PCSK5: variants seen among roughly 807,000 people sequenced by gnomAD.
PCSK5 encodes the protein prohormone convertase 5.
PCSK5 carries 129 observed loss-of-function variants against 233.2 expected under a neutral mutation model. The ratio of observed to expected loss-of-function variants is 0.55; its 90% CI spans 0.48 to 0.64. PCSK5 has a LOEUF of 0.64. Among genes scored for constraint, PCSK5 ranks in the 30% least tolerant of loss-of-function variants. PCSK5 has a pLI of 0.00. For missense variants in PCSK5, 2,076 were observed against 2,430.1 expected (o/e 0.85, Z 3.06); for synonymous variants, 825 against 879.2 (o/e 0.94, Z 1.09).
chr9:75,942,525 A>G (rs1207630668), intron 2 of PCSK5, among the ~76,000 whole-genome samples: 1 of 152,194 alleles, frequency 6.6e-6, no homozygotes, highest in Non-Finnish European at 1.5e-5. Context: ...AGATTGAAAT[A>G]TGAGTATCAG....
intron 30 of PCSK5, among the ~76,000 whole-genome samples, chr9:76,313,027 C>T (rs1300921745): frequency 6.6e-6 from 1 of 152,044 alleles, no homozygotes; most frequent in East Asian, 1.9e-4. Flanking sequence ...CTTGCAACGT[C>T]CAGGTATTGT....
chr9:76,235,559 T>C (rs1826227181), intron 22 of PCSK5, among the ~76,000 whole-genome samples: 1 of 152,218 alleles, frequency 6.6e-6, no homozygotes. Context: ...CAAGTTACTA[T>C]GCCCTGAATG....
chr9:75,992,747 G>C lies in PCSK5; in HGVS notation c.411+6502G>C, dbSNP rs373766526. On this transcript the variant is annotated intron_variant, in intron 3 of 37. Coordinates refer to ENST00000674117, the MANE Select transcript of PCSK5 (RefSeq NM_001372043.1). Reference sequence around the variant, plus strand: ...AACTTTTTGTGATGAATATTGTGTGGCCTATTTAATATGCATTATTTAAAG... The same window carrying C: ...AACTTTTTGTGATGAATATTGTGTGCCCTATTTAATATGCATTATTTAAAG... 3.9e-5 allele frequency among the ~76,000 whole-genome samples: 6 copies of C among 152,188 alleles called. No homozygotes were observed. In the East Asian group the frequency reaches 1.2e-3, roughly 29 times the overall value.
chr9:75,979,756 T>A (rs1283879662), intron 2 of PCSK5, among the ~76,000 whole-genome samples: 2 of 152,258 alleles, frequency 1.3e-5, no homozygotes, highest in Non-Finnish European at 2.9e-5. Flanking sequence ...TATTAAAATA[T>A]CACATCTTTC....
At chr9:76,008,360 A>T (rs374702634) in intron 3 of PCSK5, among the ~76,000 whole-genome samples, 5 of 151,780 alleles carry the variant, frequency 3.3e-5, no homozygotes, top group South Asian at 2.1e-4. Context: ...GCATGGGGAG[A>T]TTAAGATTTA....
intron 1 of PCSK5, among the ~76,000 whole-genome samples, chr9:75,902,214 T>TTAAAAAAAAAAAAAAAA (rs1554703242): frequency 7.5e-5 from 4 of 53,300 alleles, no homozygotes; most frequent in Non-Finnish European, 1.0e-4. Flanking sequence ...AGACACCATC[T>TTAAAAAAAAAAAAAAAA]AAAAAAAAAA....
intron 1 of PCSK5, among the ~76,000 whole-genome samples, chr9:75,915,228 T>C (rs999238604): frequency 3.9e-5 from 6 of 152,184 alleles, no homozygotes; most frequent in African/African-American, 1.4e-4. Context: ...AACCTTGGCT[T>C]TCCTTGGCTG....
intron 3 of PCSK5, among the ~76,000 whole-genome samples, chr9:75,992,574 C>T (rs1222912878): frequency 6.8e-6 from 1 of 146,268 alleles, no homozygotes; most frequent in East Asian, 1.9e-4. Context: ...ACTTTAAATA[C>T]ACACACACAC....
At position 76,358,610 on chromosome 9, in the gene PCSK5, CG is replaced by C; in HGVS notation, c.5356del (p.Ala1786GlnfsTer4). 6.2e-7 allele frequency: 1 copy of C among 1,612,754 alleles called. No homozygotes were observed. ...TSSMMLVLLLGAAVVVWKKSR... is the reference protein window; with the variant it reads ...TSSMMLVLLLXAAVVVWKKSR... The stretch of plus-strand genomic sequence containing the variant: ...CCTCCATGATGCTGGTGCTTCTGCT[CG>C]GGGCAGCTGTGGTAGTGTGGAAGAA... On this transcript the variant is annotated frameshift_variant, in exon 38 of 38. Coordinates refer to ENST00000674117, the MANE Select transcript of PCSK5 (RefSeq NM_001372043.1). LOFTEE classifies it high-confidence loss of function.
At chr9:75,901,332 G>A (rs1364220750) in intron 1 of PCSK5, among the ~76,000 whole-genome samples, 1 of 152,170 alleles carries the variant, frequency 6.6e-6, no homozygotes, top group Non-Finnish European at 1.5e-5. Flanking sequence ...GGATATGGAT[G>A]AAGCTGGAAG....
At chr9:76,092,446 G>A (rs1012620693) in intron 7 of PCSK5, among the ~76,000 whole-genome samples, 1 of 152,098 alleles carries the variant, frequency 6.6e-6, no homozygotes, top group Non-Finnish European at 1.5e-5. Context: ...TGCCCAGGCT[G>A]GAGTGCAGTG....
intron 20 of PCSK5, among the ~76,000 whole-genome samples, chr9:76,196,826 T>C (rs573703834): frequency 2.0e-5 from 3 of 152,294 alleles, no homozygotes; most frequent in East Asian, 1.9e-4. Flanking sequence ...CTGGGCCACA[T>C]AGACTTGAAA....
At chr9:76,172,725 A>G (rs1349424273) in intron 13 of PCSK5, among the ~76,000 whole-genome samples, 2 of 152,220 alleles carry the variant, frequency 1.3e-5, no homozygotes, top group African/African-American at 4.8e-5. Context: ...TCTCTTTTGC[A>G]CTGCTACCTA....
intron 6 of PCSK5, among the ~76,000 whole-genome samples, chr9:76,069,303 A>C (rs989691308): frequency 2.0e-5 from 3 of 152,132 alleles, no homozygotes; most frequent in African/African-American, 7.2e-5. Context: ...CTCATGGTCC[A>C]GGATATAGTT....
At chr9:75,966,876 T>C (rs2131356127) in intron 2 of PCSK5, among the ~76,000 whole-genome samples, 1 of 152,300 alleles carries the variant, frequency 6.6e-6, no homozygotes, top group East Asian at 1.9e-4. Flanking sequence ...CCACAGTGTA[T>C]GTTGTGAAAA....
chr9:75,955,801 G>A (rs1825068728), intron 2 of PCSK5, among the ~76,000 whole-genome samples: 2 of 152,054 alleles, frequency 1.3e-5, no homozygotes, highest in African/African-American at 4.8e-5. Context: ...TTGTCAGACA[G>A]GGTTGAGCTT....
At chr9:76,128,103 T>C (rs1264763391) in intron 9 of PCSK5, among the ~76,000 whole-genome samples, 1 of 152,200 alleles carries the variant, frequency 6.6e-6, no homozygotes, top group Non-Finnish European at 1.5e-5. Context: ...TAGAACTGCA[T>C]AATTTATACA....
At chr9:75,896,159 T>C (rs1587324484) in intron 1 of PCSK5, among the ~76,000 whole-genome samples, 2 of 152,278 alleles carry the variant, frequency 1.3e-5, no homozygotes, top group East Asian at 3.9e-4. Context: ...ATATTTCTTA[T>C]GATGAGGCAA....
intron 20 of PCSK5, among the ~76,000 whole-genome samples, chr9:76,213,068 G>A (rs890318299): frequency 6.6e-6 from 1 of 152,232 alleles, no homozygotes; most frequent in Admixed American, 6.5e-5. Flanking sequence ...GGCAGGACAT[G>A]TATCATTGTC....
Sources: allele counts gnomAD v4.1 joint callset (sites outside exome capture counted in the v4.1 genomes callset), GRCh38; gene constraint gnomAD v4.1.1; transcripts MANE v1.5; gene names NCBI Gene and HGNC (gene_info 2026-07-23, HGNC 2026-07-21).